MAN2A1: variants seen among roughly 807,000 people sequenced by gnomAD.
MAN2A1 encodes the protein alpha-mannosidase 2.
A neutral mutation model predicts 142.6 loss-of-function variants in MAN2A1; 76 were observed. The ratio of observed to expected loss-of-function variants is 0.53; its 90% CI spans 0.44 to 0.65. The LOEUF (loss-of-function observed/expected upper bound fraction) is 0.65, where lower values mean the gene tolerates loss of function less well. Ranked by LOEUF, MAN2A1 falls within the 30% of genes least tolerant of loss-of-function variation. The probability of loss-of-function intolerance (pLI) is 0.00; values close to 1 mark genes in which losing one functional copy is unlikely to be tolerated. For synonymous variants in MAN2A1, 559 were observed against 473.2 expected (o/e 1.18, Z -2.35); for missense variants, 1,311 against 1,365.1 (o/e 0.96, Z 0.62).
At chr5:109,727,412 G>A (rs1051991784) in intron 3 of MAN2A1, among the ~76,000 whole-genome samples, 2 of 151,974 alleles carry the variant, frequency 1.3e-5, no homozygotes, top group Admixed American at 6.6e-5. Context: ...GGATTAGGGC[G>A]TATCTTCATG....
intron 12 of MAN2A1, chr5:109,794,069 T>C (rs535174843): frequency 6.6e-6 from 1 of 152,308 alleles, no homozygotes; most frequent in South Asian, 2.1e-4. Flanking sequence ...AAGTTTTAAA[T>C]GAAGAAGCCA....
intron 15 of MAN2A1, 67 bp from the exon 16 acceptor site, chr5:109,823,656 A>G (rs1754685018): frequency 1.2e-6 from 1 of 808,494 alleles, no homozygotes; most frequent in Non-Finnish European, 2.1e-6. Flanking sequence ...TGAAACCATA[A>G]TAAACATATT....
At chr5:109,722,738 G>C (rs766978681) in intron 3 of MAN2A1, among the ~76,000 whole-genome samples, 194 of 152,070 alleles carry the variant, frequency 1.3e-3, no homozygotes, top group Non-Finnish European at 2.4e-3. Flanking sequence ...CTTTAAGTTG[G>C]TTTCTTTTAG....
intron 7 of MAN2A1, among the ~76,000 whole-genome samples, chr5:109,771,859 T>C (rs112521788): frequency 1.4e-3 from 215 of 152,298 alleles, no homozygotes; most frequent in Non-Finnish European, 2.4e-3. Context: ...TCCCAGTGCA[T>C]TCATAGTATT....
At position 109,819,685 on chromosome 5, in the gene MAN2A1, A is replaced by G. The variant is rs765672669; in HGVS notation, c.2126A>G (p.His709Arg). The G allele has an allele frequency of 7.5e-6, 12 of 1,599,340 alleles. No individual in the cohort carries two copies. The South Asian group carries it at 7.9e-5, about 11-fold the overall frequency. The change falls in exon 14 of 22, where the codon CAT becomes CGT. Residue 709 changes from histidine to arginine, a missense_variant. By Grantham distance (29) the His-to-Arg change is conservative. Transcript: ENST00000261483. Reference sequence around the variant, plus strand: ...CTTTTAAAGATCTCTTTTCGAGCACATATACCGCCATTGGGACTGAAAGTG... The same window carrying G: ...CTTTTAAAGATCTCTTTTCGAGCACGTATACCGCCATTGGGACTGAAAGTG... ...ETAYEISFRA[H>R]IPPLGLKVYK...
chr5:109,830,173 G>C lies in MAN2A1; in HGVS notation c.2566+6336G>C, dbSNP rs563290434. On this transcript the variant is annotated intron_variant, in intron 16 of 21. Transcript: ENST00000261483. ...TTTATTTTGATGAAATCCATGCATA[G>C]TTTTTTCATGATATGCATTTTCCAT... is the stretch of plus-strand genomic sequence containing the variant. Among the ~76,000 whole-genome samples, 178 of 152,240 alleles carry C rather than the reference G, an allele frequency of 1.2e-3. 1 individual carries two copies. Among genetic ancestry groups the C allele is most frequent in the African/African-American group, 4.2e-3 (176 of 41,534 alleles).
rs1751232249 is a variant in MAN2A1 at position 109,709,389 on chromosome 5, GCC to G, written c.136-4130_136-4129del. On this transcript the variant is annotated intron_variant, in intron 1 of 21. Coordinates refer to ENST00000261483, the MANE Select transcript of MAN2A1 (RefSeq NM_002372.4). The stretch of plus-strand genomic sequence containing the variant: ...TTTAATCAAAAGGGCAAAGAACAAA[GCC>G]TTGGAGCAGTTGAGATAAATGGGAT... Among the ~76,000 whole-genome samples the G allele has an allele frequency of 5.9e-5, 9 of 152,278 alleles. No homozygotes were observed. In the South Asian group the frequency reaches 1.9e-3, roughly 32 times the overall value.
chr5:109,774,784 G>A lies in MAN2A1; in HGVS notation c.1197-4G>A, dbSNP rs375349531. 3.2e-6 allele frequency: 5 copies of A among 1,568,980 alleles called. No homozygotes were observed. The highest frequency in any genetic ancestry group is 8.6e-7 in the Non-Finnish European group (1 of 1,163,552). On this transcript the variant is annotated splice_polypyrimidine_tract_variant and splice_region_variant and intron_variant, in intron 7 of 21. Transcript: ENST00000261483. ...CTGTTTTTTTGTGTTTGTTTTTTTT[G>A]TAGGGCTCGGATGCTACTAGATCAG... is the stretch of plus-strand genomic sequence containing the variant.
intron 8 of MAN2A1, among the ~76,000 whole-genome samples, chr5:109,780,699 T>C (rs940905348): frequency 1.3e-5 from 2 of 152,192 alleles, no homozygotes; most frequent in African/African-American, 4.8e-5. Context: ...ATTTGTAGAA[T>C]AGTTTGAACT....
At chr5:109,693,615 C>A (rs1231729843) in intron 1 of MAN2A1, among the ~76,000 whole-genome samples, 1 of 151,946 alleles carries the variant, frequency 6.6e-6, no homozygotes, top group Non-Finnish European at 1.5e-5. Context: ...TTCTTTTTCT[C>A]TTCTCTCACA....
At chr5:109,797,043 C>T (rs919865040) in intron 12 of MAN2A1, among the ~76,000 whole-genome samples, 9 of 152,088 alleles carry the variant, frequency 5.9e-5, no homozygotes, top group African/African-American at 1.9e-4. Flanking sequence ...AGAAGGACTT[C>T]AGCTAATATC....
rs114550099 is a variant in MAN2A1 at position 109,866,767 on chromosome 5, A to G, written c.3283-79A>G. 1.5e-3 allele frequency: 1,390 copies of G among 915,212 alleles called. 11 individuals carry two copies. In the African/African-American group the frequency reaches 0.021, roughly 14 times the overall value. The allele number at this position is 915,212 out of a possible 1,614,324, so 56.7% of individuals were successfully genotyped here. On this transcript the variant is annotated intron_variant, in intron 21 of 21. Transcript: ENST00000261483. ...ATACTGTTTTATTCCTTCTCATACTAATTTTCACAGAATATGTAGTTGTGC... is the reference window on the plus strand; with the variant it reads ...ATACTGTTTTATTCCTTCTCATACTGATTTTCACAGAATATGTAGTTGTGC...
At chr5:109,789,647 C>A in intron 12 of MAN2A1, 120 bp downstream of exon 12, 1 of 654,680 alleles carries the variant, frequency 1.5e-6, no homozygotes, top group Non-Finnish European at 2.6e-6. Context: ...TTAAAAAACT[C>A]CTAAAAAATG....
At chr5:109,734,949 C>G (rs909137689) in intron 4 of MAN2A1, among the ~76,000 whole-genome samples, 16 of 152,300 alleles carry the variant, frequency 1.1e-4, no homozygotes, top group Non-Finnish European at 1.9e-4. Context: ...CCTCATTGAT[C>G]TGTCTAATGT....
At chr5:109,716,056 AAATATTTACC>A in intron 2 of MAN2A1, 54 bp from the exon 3 acceptor site, 3 of 1,186,572 alleles carry the variant, frequency 2.5e-6, no homozygotes, top group Non-Finnish European at 1.2e-6. Context: ...AATTTTGAGC[AAATATTTACC>A]AACATTAAAT....
chr5:109,817,263 G>C lies in MAN2A1; in HGVS notation c.1944-10G>C. The C allele has an allele frequency of 6.2e-7, 1 of 1,612,230 alleles. No individual in the cohort carries two copies. The highest frequency in any genetic ancestry group is 8.5e-7 in the Non-Finnish European group (1 of 1,179,046). On this transcript the variant is annotated splice_polypyrimidine_tract_variant and intron_variant, in intron 12 of 21. Transcript: ENST00000261483. ...TTGAGATCCCAATAATGAAGCAGCT[G>C]TTTTTGCAGGTACCTTGTGGTCTAT...
At chr5:109,865,220 T>C in intron 21 of MAN2A1, 74 bp downstream of exon 21, 1 of 1,047,000 alleles carries the variant, frequency 9.6e-7, no homozygotes. Flanking sequence ...ATCTTGACAA[T>C]AAGATCATGT....
At chr5:109,729,607 C>A in intron 4 of MAN2A1, 94 bp downstream of exon 4, 1 of 666,368 alleles carries the variant, frequency 1.5e-6, no homozygotes, top group Non-Finnish European at 2.3e-6. Context: ...AAATTCTTAG[C>A]TTTATATTTG....
At chr5:109,809,316 A>G (rs546728470) in intron 12 of MAN2A1, among the ~76,000 whole-genome samples, 1 of 151,872 alleles carries the variant, frequency 6.6e-6, no homozygotes, top group East Asian at 1.9e-4. Context: ...TTGTGTTGTC[A>G]TTTATATTTT....
Sources: allele counts gnomAD v4.1 joint callset (sites outside exome capture counted in the v4.1 genomes callset), GRCh38; gene constraint gnomAD v4.1.1; transcripts MANE v1.5; gene names NCBI Gene and HGNC (gene_info 2026-07-23, HGNC 2026-07-21).